Variants in CDKAL1 observed in about 807,000 individuals in gnomAD.
CDKAL1 encodes the protein CDKAL1 threonylcarbamoyladenosine tRNA methylthiotransferase.
CDKAL1 carries 32 observed loss-of-function variants against 68.2 expected under a neutral mutation model. The ratio of observed to expected loss-of-function variants is 0.47; its 90% CI spans 0.35 to 0.63. CDKAL1 has a LOEUF of 0.63. Ranked by LOEUF, CDKAL1 falls within the 30% of genes least tolerant of loss-of-function variation. The probability of loss-of-function intolerance (pLI) is 0.00; values close to 1 mark genes in which losing one functional copy is unlikely to be tolerated. For synonymous variants in CDKAL1, 234 were observed against 244.3 expected, an observed-to-expected ratio of 0.96 and a Z score of 0.39; for missense variants, 606 against 696.7, an observed-to-expected ratio of 0.87 and a Z score of 1.47.
At chr6:20,937,598 G>C (rs963355065) in intron 9 of CDKAL1, among the ~76,000 whole-genome samples, 2 of 152,136 alleles carry the variant, frequency 1.3e-5, no homozygotes, top group Non-Finnish European at 2.9e-5. Flanking sequence ...TCTGGGCCAG[G>C]TCTCCTGTCT....
chr6:21,207,862 A>G (rs1004628831), intron 15 of CDKAL1, among the ~76,000 whole-genome samples: 1 of 152,218 alleles, frequency 6.6e-6, no homozygotes. Flanking sequence ...TGTTGTATTC[A>G]TCAGCCATAG....
chr6:20,748,555 G>GAAAAAA (rs760404728), intron 6 of CDKAL1, among the ~76,000 whole-genome samples: 1 of 28,766 alleles, frequency 3.5e-5, no homozygotes, highest in African/African-American at 1.2e-4. Context: ...TCTGTTTCTG[G>GAAAAAA]AAAAAAAAAA....
chr6:21,207,920 C>A (rs1779001429), intron 15 of CDKAL1, among the ~76,000 whole-genome samples: 1 of 152,198 alleles, frequency 6.6e-6, no homozygotes, highest in Non-Finnish European at 1.5e-5. Context: ...GAGATTCCTC[C>A]ATGAGAATGA....
In CDKAL1 at chr6:21,187,031, T is replaced by G. The variant is rs182660182; in HGVS notation, c.1300-10990T>G. ...TTTCAGCCTGTATTCAGTATAGAAA[T>G]TAATGAGATGTCTTACATTCTTTTA... On this transcript the variant is annotated intron_variant, in intron 13 of 15. Transcript: ENST00000274695. Among the ~76,000 whole-genome samples, 13 of 152,328 alleles carry G rather than the reference T, an allele frequency of 8.5e-5. No homozygotes were observed. The East Asian group carries it at 2.1e-3, about 25-fold the overall frequency.
At chr6:20,630,649 A>C (rs554550477) in intron 4 of CDKAL1, among the ~76,000 whole-genome samples, 1 of 152,342 alleles carries the variant, frequency 6.6e-6, no homozygotes, top group African/African-American at 2.4e-5. Flanking sequence ...TTTCAAAGAA[A>C]TAATCCCTGA....
intron 13 of CDKAL1, among the ~76,000 whole-genome samples, chr6:21,131,504 G>A (rs572981356): frequency 1.3e-5 from 2 of 152,202 alleles, no homozygotes; most frequent in East Asian, 1.9e-4. Flanking sequence ...TGGTGTGGTC[G>A]GTATTGTTAT....
chr6:20,889,445 C>T (rs1009274269), intron 9 of CDKAL1, among the ~76,000 whole-genome samples: 58 of 152,030 alleles, frequency 3.8e-4, no homozygotes, highest in African/African-American at 1.4e-3. Flanking sequence ...AAGTCCTTGC[C>T]CATGCCTATG....
chr6:20,815,108 G>T (rs879698407), intron 8 of CDKAL1, among the ~76,000 whole-genome samples: 2 of 152,202 alleles, frequency 1.3e-5, no homozygotes, highest in South Asian at 2.1e-4. Flanking sequence ...CTTAATGTAG[G>T]AGGGTAAATC....
chr6:21,006,992 T>C (rs1767760246), intron 11 of CDKAL1, among the ~76,000 whole-genome samples: 1 of 152,206 alleles, frequency 6.6e-6, no homozygotes. Flanking sequence ...AGTAGTAGAA[T>C]AATAACGTTT....
At chr6:21,227,971 C>T (rs920198267) in intron 15 of CDKAL1, among the ~76,000 whole-genome samples, 40 of 152,300 alleles carry the variant, frequency 2.6e-4, no homozygotes, top group African/African-American at 9.6e-4. Context: ...AAAAACAAAA[C>T]GTGTTATCAA....
intron 5 of CDKAL1, among the ~76,000 whole-genome samples, chr6:20,664,173 C>G (rs186802199): frequency 6.6e-6 from 1 of 152,072 alleles, no homozygotes; most frequent in Admixed American, 6.6e-5. Flanking sequence ...CAGAAACTGT[C>G]GAGAACTACC....
chr6:20,624,584 A>T (rs1334517458), intron 4 of CDKAL1, among the ~76,000 whole-genome samples: 1 of 152,018 alleles, frequency 6.6e-6, no homozygotes, highest in Non-Finnish European at 1.5e-5. Flanking sequence ...CATGAGCCCC[A>T]CAAACTCATA....
At chr6:21,069,803 T>TAAA (rs1159921660) in intron 12 of CDKAL1, among the ~76,000 whole-genome samples, 8 of 42,884 alleles carry the variant, frequency 1.9e-4, no homozygotes, top group Admixed American at 3.3e-4. Flanking sequence ...TTTTTTTTTT[T>TAAA]TAAAACAGAG....
chr6:20,721,357 A>G (rs1355065970), intron 5 of CDKAL1, among the ~76,000 whole-genome samples: 2 of 152,070 alleles, frequency 1.3e-5, no homozygotes, highest in Non-Finnish European at 2.9e-5. Flanking sequence ...AATCCCGTCT[A>G]TCATTGATGG....
intron 4 of CDKAL1, 95 bp downstream of exon 4, chr6:20,548,800 A>G: frequency 1.7e-6 from 1 of 595,960 alleles, no homozygotes; most frequent in Non-Finnish European, 3.0e-6. Context: ...TTTTAGCATG[A>G]CAGTGATTTT....
At chr6:20,877,334 T>C (rs1021033121) in intron 9 of CDKAL1, among the ~76,000 whole-genome samples, 15 of 152,238 alleles carry the variant, frequency 9.9e-5, no homozygotes, top group African/African-American at 3.4e-4. Flanking sequence ...ATCTAATATC[T>C]GATGAGATTT....
chr6:20,629,580 C>CT (rs1457524047), intron 4 of CDKAL1, among the ~76,000 whole-genome samples: 3 of 152,096 alleles, frequency 2.0e-5, no homozygotes, highest in Non-Finnish European at 4.4e-5. Context: ...AGCAAAGAGG[C>CT]TCTTCTGAAC....
Position 21,231,318 on chromosome 6 carries a change from TTTC to T in CDKAL1, c.*281_*283del. ...CAAGAAATGCAAGCGGTTGCATTTT[TTTC>T]TGTTTGTTTCAATCTCTAATCTTTA... On this transcript the variant is annotated 3_prime_UTR_variant, in exon 16 of 16. Coordinates refer to ENST00000274695, the MANE Select transcript of CDKAL1 (RefSeq NM_017774.3). 1 of 274,226 alleles carries T rather than the reference TTTC, an allele frequency of 3.6e-6. No homozygotes were observed. 17.0% of individuals were successfully genotyped at this position (274,226 alleles called of 1,614,324 possible).
chr6:20,547,501 C>T (rs945149316), intron 3 of CDKAL1, among the ~76,000 whole-genome samples: 1 of 152,050 alleles, frequency 6.6e-6, no homozygotes, highest in Non-Finnish European at 1.5e-5. Flanking sequence ...TAGTAGATCT[C>T]TAGTCCGTGA....
Sources: allele counts gnomAD v4.1 joint callset (sites outside exome capture counted in the v4.1 genomes callset), GRCh38; gene constraint gnomAD v4.1.1; transcripts MANE v1.5; gene names NCBI Gene and HGNC (gene_info 2026-07-23, HGNC 2026-07-21).